The following STIP1 variants were observed in gnomAD, a reference collection of about 807,000 sequenced individuals.
STIP1 encodes stress induced phosphoprotein 1.
STIP1 carries 16 observed loss-of-function variants against 77.4 expected under a neutral mutation model. The ratio of observed to expected loss-of-function variants is 0.21; its 90% CI spans 0.14 to 0.31. STIP1 has a LOEUF of 0.31. Ranked by LOEUF, STIP1 falls within the 10% of genes least tolerant of loss-of-function variation. The pLI is 1.00. For synonymous variants in STIP1, 258 were observed against 246.6 expected, an observed-to-expected ratio of 1.05 and a Z score of -0.44; for missense variants, 524 against 684.8, an observed-to-expected ratio of 0.77 and a Z score of 2.62.
chr11:64,202,792 A>C (rs1946233927), intron 10 of STIP1, 84 bp from the exon 11 acceptor site: 1 of 1,483,566 alleles, frequency 6.7e-7, no homozygotes, highest in African/African-American at 1.4e-5. Flanking sequence ...GAGGCATTAG[A>C]GTTGGAAGTC....
At chr11:64,187,455 A>T (rs1946036748) in intron 1 of STIP1, among the ~76,000 whole-genome samples, 1 of 152,110 alleles carries the variant, frequency 6.6e-6, no homozygotes, top group Non-Finnish European at 1.5e-5. Flanking sequence ...TCTCCCCTTA[A>T]ATAAGACATC....
chr11:64,190,648 G>A (rs748280282), intron 1 of STIP1, among the ~76,000 whole-genome samples: 4 of 152,094 alleles, frequency 2.6e-5, no homozygotes, highest in Non-Finnish European at 4.4e-5. Context: ...CTGGGTCGTG[G>A]GTGGATAATA....
chr11:64,192,505 C>T (rs1946104020), intron 1 of STIP1, among the ~76,000 whole-genome samples: 1 of 152,174 alleles, frequency 6.6e-6, no homozygotes, highest in Non-Finnish European at 1.5e-5. Context: ...TTTATCTATC[C>T]TGTGGTGACA....
At chr11:64,195,268 C>T (rs946020285) in intron 4 of STIP1, among the ~76,000 whole-genome samples, 1 of 152,070 alleles carries the variant, frequency 6.6e-6, no homozygotes, top group Admixed American at 6.6e-5. Flanking sequence ...TGTACGCCAC[C>T]ACGCCCAGCT....
At chr11:64,203,033 A>AGGTGTT in intron 11 of STIP1, 92 bp from the exon 12 acceptor site, 1 of 1,590,556 alleles carries the variant, frequency 6.3e-7, no homozygotes, top group East Asian at 2.2e-5. Context: ...CAACATCAGC[A>AGGTGTT]GGTGTGAACA....
At chr11:64,199,665 G>A (rs1053543171) in intron 8 of STIP1, among the ~76,000 whole-genome samples, 8 of 148,374 alleles carry the variant, frequency 5.4e-5, no homozygotes, top group Non-Finnish European at 1.0e-4. Context: ...CCGGGTTCAC[G>A]CCATTCTCCT....
At chr11:64,189,865 G>T (rs1265831596) in intron 1 of STIP1, among the ~76,000 whole-genome samples, 2 of 152,050 alleles carry the variant, frequency 1.3e-5, no homozygotes, top group African/African-American at 4.8e-5. Flanking sequence ...TCGTCTTCTG[G>T]CCTCCATCTT....
At chr11:64,192,922 T>C (rs1281119994) in intron 1 of STIP1, among the ~76,000 whole-genome samples, 156 bp from the exon 2 acceptor site, 1 of 152,112 alleles carries the variant, frequency 6.6e-6, no homozygotes. Context: ...TTAGGGAAGG[T>C]GTGAGAAATT....
At chr11:64,186,010 G>A (rs2134774315), upstream of STIP1, 2 of 1,543,646 alleles carry the variant, frequency 1.3e-6, no homozygotes, top group South Asian at 2.4e-5. Context: ...CCTGAGGTGC[G>A]GGGGAGGCAG....
Position 64,199,997 on chromosome 11 carries a change from T to A in STIP1, c.1081T>A (p.Leu361Met), listed in dbSNP as rs1026764536. Residue 361 changes from leucine to methionine, a missense_variant, in exon 9 of 14, where the codon TTG (leucine) becomes ATG (methionine). Physicochemically the swap from Leu to Met is conservative, Grantham distance 15. Transcript: ENST00000305218. The stretch of plus-strand genomic sequence containing the variant: ...GGCCTACATAAACCCCGACCTGGCT[T>A]TGGAGGAGAAGAACAAAGGCAACGA... ...RLAYINPDLA[L>M]EEKNKGNECF... The A allele has an allele frequency of 5.6e-6, 9 of 1,614,004 alleles. No individual in the cohort carries two copies. The Admixed American group carries it at 1.0e-4, about 18-fold the overall frequency.
intron 1 of STIP1, among the ~76,000 whole-genome samples, chr11:64,188,552 A>G (rs950672724): frequency 4.6e-5 from 7 of 151,948 alleles, no homozygotes; most frequent in African/African-American, 1.5e-4. Context: ...TAATTTTAAC[A>G]TTTTTTGTAG....
intron 10 of STIP1, 79 bp downstream of exon 10, chr11:64,200,372 A>T: frequency 6.6e-7 from 1 of 1,519,400 alleles, no homozygotes; most frequent in Non-Finnish European, 8.8e-7. Flanking sequence ...CCTCATCAAC[A>T]TTGAGTTGAT....
chr11:64,198,516 A>AT (rs1461870183), intron 8 of STIP1, among the ~76,000 whole-genome samples: 9 of 151,890 alleles, frequency 5.9e-5, no homozygotes, highest in Non-Finnish European at 1.3e-4. Context: ...CGTCCAGCTA[A>AT]TTTTTTTATT....
intron 5 of STIP1, among the ~76,000 whole-genome samples, chr11:64,196,359 A>G (rs2134797237): frequency 6.8e-6 from 1 of 146,198 alleles, no homozygotes; most frequent in South Asian, 2.2e-4. Context: ...GCTCATCACT[A>G]CACTCCAGGC....
At chr11:64,194,726 C>A in intron 4 of STIP1, 106 bp downstream of exon 4, 1 of 1,426,928 alleles carries the variant, frequency 7.0e-7, no homozygotes, top group Non-Finnish European at 9.4e-7. Flanking sequence ...AGAGTTTTTG[C>A]CTTTGCTTAT....
intron 1 of STIP1, among the ~76,000 whole-genome samples, chr11:64,190,001 C>CTTTTTTTTTTTT (rs149110413): frequency 6.8e-6 from 1 of 147,462 alleles, no homozygotes; most frequent in Non-Finnish European, 1.5e-5. Context: ...AATCATTTCT[C>CTTTTTTTTTTTT]TCTTTTTTTT....
Position 64,199,940 on chromosome 11 carries a change from G to A in STIP1, c.1024G>A (p.Ala342Thr). 1 of 1,614,046 alleles carries A rather than the reference G, an allele frequency of 6.2e-7. No individual in the cohort carries two copies. Among genetic ancestry groups the A allele is most frequent in the Non-Finnish European group, 8.5e-7 (1 of 1,179,992 alleles). Reference sequence around the variant, plus strand: ...TTATTTCAAGAATTATGTTTTGTAGGCAGAGAAAATCCTGAAGGAGCAAGA... The same window carrying A: ...TTATTTCAAGAATTATGTTTTGTAGACAGAGAAAATCCTGAAGGAGCAAGA... ...TPDVLKKCQQ[A>T]EKILKEQERL... Residue 342 changes from alanine to threonine, a missense_variant and splice_region_variant, in exon 9 of 14, where the codon GCA becomes ACA. Coordinates refer to ENST00000305218, the MANE Select transcript of STIP1 (RefSeq NM_006819.3).
intron 7 of STIP1, 50 bp downstream of exon 7, chr11:64,197,645 C>T (rs1373942380): frequency 6.2e-7 from 1 of 1,606,252 alleles, no homozygotes; most frequent in South Asian, 1.1e-5. Context: ...GGTTTGCTGT[C>T]CAAGACTTAA....
At chr11:64,197,058 A>AG in intron 5 of STIP1, 4 of 597,632 alleles carry the variant, frequency 6.7e-6, no homozygotes, top group South Asian at 4.3e-5. Context: ...TAGGTGGAAA[A>AG]GGGGGAGTTT....
Sources: gnomAD v4.1 joint callset for allele counts (sites outside exome capture counted in the v4.1 genomes callset) on GRCh38, gnomAD v4.1.1 for gene constraint, MANE v1.5 for transcripts, NCBI Gene and HGNC (gene_info 2026-07-23, HGNC 2026-07-21) for gene names.